The following SMG1 variants were observed in gnomAD, a reference collection of about 807,000 sequenced individuals.
SMG1 encodes the protein serine/threonine-protein kinase SMG1.
A neutral mutation model predicts 419.9 loss-of-function variants in SMG1; 22 were observed. That is an observed-to-expected ratio of 0.05 (90% CI 0.04 to 0.07). The LOEUF (loss-of-function observed/expected upper bound fraction) is 0.07. Ranked by LOEUF, SMG1 falls within the 10% of genes least tolerant of loss-of-function variation. The probability of loss-of-function intolerance (pLI) is 1.00; values close to 1 mark genes in which losing one functional copy is unlikely to be tolerated. For synonymous variants in SMG1, 1,538 were observed against 1,553.5 expected (o/e 0.99, Z 0.23); for missense variants, 3,185 against 4,342.0 (o/e 0.73, Z 7.49).
intron 38 of SMG1, among the ~76,000 whole-genome samples, chr16:18,846,073 C>A (rs953378679): frequency 3.3e-5 from 5 of 152,064 alleles, no homozygotes; most frequent in Non-Finnish European, 7.4e-5. Context: ...CTCAGCCTCC[C>A]AAAGTGCCAG....
intron 1 of SMG1, among the ~76,000 whole-genome samples, chr16:18,919,623 CA>C (rs549001300): frequency 0.017 from 1,966 of 116,764 alleles, 24 homozygotes; most frequent in Middle Eastern, 0.031. Context: ...CACTCCGTCT[CA>C]AAAAAAAAAA....
At chr16:18,833,508 TGATATTA>T (rs2033349663) in intron 50 of SMG1, among the ~76,000 whole-genome samples, 1 of 152,126 alleles carries the variant, frequency 6.6e-6, no homozygotes, top group African/African-American at 2.4e-5. Flanking sequence ...ATTTCTGTAG[TGATATTA>T]GCATTGTTAT....
At chr16:18,841,288 C>T (rs1056789980) in intron 41 of SMG1, among the ~76,000 whole-genome samples, 3 of 151,244 alleles carry the variant, frequency 2.0e-5, no homozygotes, top group Admixed American at 6.6e-5. Flanking sequence ...ATAGTTCCCG[C>T]TACTCGGGAG....
At chr16:18,862,314 AG>A (rs2035259104) in intron 25 of SMG1, among the ~76,000 whole-genome samples, 3 of 152,172 alleles carry the variant, frequency 2.0e-5, no homozygotes, top group Non-Finnish European at 2.9e-5. Context: ...ATGCTAAACT[AG>A]GATTCTGACC....
intron 18 of SMG1, 109 bp from the exon 19 acceptor site, chr16:18,870,103 A>G: frequency 1.5e-6 from 1 of 648,270 alleles, no homozygotes. Context: ...AAAATATAGT[A>G]AAATTGAGAC....
intron 38 of SMG1, among the ~76,000 whole-genome samples, chr16:18,846,356 G>A (rs2034268480): frequency 6.6e-6 from 1 of 152,046 alleles, no homozygotes; most frequent in East Asian, 1.9e-4. Flanking sequence ...CAAAAGCACA[G>A]ACAAATTAAA....
At position 18,847,548 on chromosome 16, in the gene SMG1, C is replaced by T; in HGVS notation, c.5901G>A (p.Leu1967=). 1.2e-6 allele frequency: 2 copies of T among 1,614,030 alleles called. No homozygotes were observed. The highest frequency in any genetic ancestry group is 1.7e-6 in the Non-Finnish European group (2 of 1,179,898). The change falls in exon 38 of 63, where the codon CTG becomes CTA. Residue 1967 remains leucine, a synonymous_variant. Coordinates refer to ENST00000446231, the MANE Select transcript of SMG1 (RefSeq NM_015092.5). ...RVTVLWDELW[L]GVLLQQHMYV... ...ACATGTGTTGTTGCAGCAAAACTCC[C>T]AGCCAGAGCTCATCCCAGAGCACAG...
chr16:18,838,182 C>T lies in SMG1; in HGVS notation c.7245G>A (p.Glu2415=), dbSNP rs1164907200. The change falls in exon 45 of 63, where the codon GAG becomes GAA. Residue 2415 remains glutamate, a synonymous_variant. Transcript: ENST00000446231. ...RGRETLLTLL[E]AFVYDPLVDW... is the part of the protein sequence containing the mutation. ...CCACCAGAGGGTCGTACACAAAGGC[C>T]TCCAGCAGCGTCAGCAGGGTCTCTC... 2.5e-6 allele frequency: 4 copies of T among 1,613,204 alleles called. No homozygotes were observed. The highest frequency in any genetic ancestry group is 3.4e-6 in the Non-Finnish European group (4 of 1,179,468).
chr16:18,915,867 A>C, intron 1 of SMG1, among the ~76,000 whole-genome samples: 1 of 150,812 alleles, frequency 6.6e-6, no homozygotes, highest in Admixed American at 6.6e-5. Context: ...TCAGGAGTTC[A>C]AGACCAGCCT....
intron 4 of SMG1, among the ~76,000 whole-genome samples, chr16:18,891,295 T>G (rs1339575040): frequency 6.6e-6 from 1 of 152,334 alleles, no homozygotes; most frequent in Non-Finnish European, 1.5e-5. Flanking sequence ...TTTAACAGAT[T>G]CAATGTCAAA....
Position 18,852,432 on chromosome 16 carries a change from A to G in SMG1, c.4799T>C (p.Ile1600Thr). The change falls in exon 32 of 63, where the codon ATT becomes ACT. Residue 1600 changes from isoleucine to threonine, a missense_variant. Physicochemically the swap from Ile to Thr is moderately conservative, Grantham distance 89. This residue lies in a region of SMG1 where 493 missense variants were observed against 552.9 expected (regional missense o/e 0.89). Transcript: ENST00000446231. Reference sequence around the variant, plus strand: ...AGACAGGTGATACAACTGTCCCAAAATGAAGTCAGGTTCTCCAACTCCAAT... The same window carrying G: ...AGACAGGTGATACAACTGTCCCAAAGTGAAGTCAGGTTCTCCAACTCCAAT... ...VHIGVGEPDF[I>T]LGQLYHLSSV... is the part of the protein sequence containing the mutation. The G allele has an allele frequency of 6.3e-7, 1 of 1,598,374 alleles. No homozygotes were observed. The highest frequency in any genetic ancestry group is 8.5e-7 in the Non-Finnish European group (1 of 1,172,630).
At chr16:18,840,083 T>C in intron 41 of SMG1, 137 bp from the exon 42 acceptor site, 1 of 680,234 alleles carries the variant, frequency 1.5e-6, no homozygotes. Context: ...AAATTTCATG[T>C]ATTAATACAA....
At position 18,836,605 on chromosome 16, in the gene SMG1, T is replaced by C. The variant is rs1296194887; in HGVS notation, c.7605-73A>G. ...TTCCACATACTTTCCTACCCTGGAA[T>C]GTGCTCACACATGGACTGTCTGGTA... On this transcript the variant is annotated intron_variant, in intron 46 of 62. Coordinates refer to ENST00000446231, the MANE Select transcript of SMG1 (RefSeq NM_015092.5). 2.0e-6 allele frequency: 3 copies of C among 1,492,008 alleles called. No individual in the cohort carries two copies. In the African/African-American group the frequency reaches 4.1e-5, roughly 21 times the overall value. The allele number at this position is 1,492,008 out of a possible 1,614,324, so 92.4% of individuals were successfully genotyped here. A position where few individuals can be genotyped will look rare whatever the true frequency, so the allele number is the denominator to read the frequency against.
chr16:18,881,455 T>C (rs2036393744), intron 10 of SMG1, among the ~76,000 whole-genome samples: 1 of 152,364 alleles, frequency 6.6e-6, no homozygotes, highest in South Asian at 2.1e-4. Flanking sequence ...TCCTATTTTA[T>C]CTAGCAACGT....
intron 13 of SMG1, among the ~76,000 whole-genome samples, chr16:18,873,614 CAAACAAAA>C (rs1259258802): frequency 6.6e-6 from 1 of 152,176 alleles, no homozygotes; most frequent in Non-Finnish European, 1.5e-5. Context: ...TTTAAAATAA[CAAACAAAA>C]AACAAGTGCT....
At chr16:18,875,766 G>C in intron 13 of SMG1, 1 of 311,990 alleles carries the variant, frequency 3.2e-6, no homozygotes, top group South Asian at 5.6e-5. Flanking sequence ...AGTACCAGGG[G>C]AAGAAGAAAG....
chr16:18,832,015 AT>A (rs2033218410), intron 51 of SMG1, among the ~76,000 whole-genome samples: 1 of 152,126 alleles, frequency 6.6e-6, no homozygotes, highest in Admixed American at 6.5e-5. Flanking sequence ...GAATGAAAAA[AT>A]ATTTGCTTCT....
chr16:18,893,634 A>G (rs2036983505), intron 3 of SMG1, among the ~76,000 whole-genome samples: 1 of 152,072 alleles, frequency 6.6e-6, no homozygotes, highest in Non-Finnish European at 1.5e-5. Flanking sequence ...CAAAACAAAA[A>G]AAAACCTCAA....
chr16:18,809,651 A>T lies in SMG1; in HGVS notation c.10909-5T>A. The T allele has an allele frequency of 6.3e-7, 1 of 1,590,436 alleles. No individual in the cohort carries two copies. Among genetic ancestry groups the T allele is most frequent in the South Asian group, 1.1e-5 (1 of 88,006 alleles). On this transcript the variant is annotated splice_region_variant and splice_polypyrimidine_tract_variant and intron_variant, in intron 62 of 62. Transcript: ENST00000446231. ...TTCCTTAATGACATAGTCAACCTGT[A>T]AAAATAGGCAGGATAGTATGTAAAG...
Sources: allele counts gnomAD v4.1 joint callset (sites outside exome capture counted in the v4.1 genomes callset), GRCh38; gene constraint gnomAD v4.1.1; regional missense constraint gnomAD v4.1.1; transcripts MANE v1.5; gene names NCBI Gene and HGNC (gene_info 2026-07-23, HGNC 2026-07-21).